EFNA5: variants seen among roughly 807,000 people sequenced by gnomAD.
The protein encoded by EFNA5 is ephrin-A5.
A neutral mutation model predicts 22.9 loss-of-function variants in EFNA5; 5 were observed. The observed-to-expected ratio is 0.22, with a 90% CI of 0.11 to 0.46. The LOEUF (loss-of-function observed/expected upper bound fraction) is 0.46. Ranked by LOEUF, EFNA5 falls within the 20% of genes least tolerant of loss-of-function variation. The pLI, the probability that EFNA5 is intolerant of heterozygous loss-of-function variation, is 0.99. For synonymous variants in EFNA5, 113 were observed against 112.2 expected, an observed-to-expected ratio of 1.01 and a Z score of -0.04; for missense variants, 237 against 293.3, an observed-to-expected ratio of 0.81 and a Z score of 1.40.
chr5:107,545,347 T>C (rs912697627), intron 1 of EFNA5, among the ~76,000 whole-genome samples: 24 of 152,194 alleles, frequency 1.6e-4, no homozygotes, highest in Admixed American at 2.0e-4. Context: ...GAGTATGAAA[T>C]TGGTTTTCTA....
intron 1 of EFNA5, among the ~76,000 whole-genome samples, chr5:107,494,225 T>C (rs1404490268): frequency 6.6e-6 from 1 of 152,108 alleles, no homozygotes; most frequent in East Asian, 1.9e-4. Context: ...GCCCGCTCCC[T>C]CAGCTTGCAG....
At chr5:107,640,108 A>G (rs915128689) in intron 1 of EFNA5, among the ~76,000 whole-genome samples, 1 of 152,208 alleles carries the variant, frequency 6.6e-6, no homozygotes, top group Non-Finnish European at 1.5e-5. Context: ...TAATATATCA[A>G]AGATACTGAG....
chr5:107,549,672 A>G (rs1748242674), intron 1 of EFNA5, among the ~76,000 whole-genome samples: 1 of 152,192 alleles, frequency 6.6e-6, no homozygotes, highest in South Asian at 2.1e-4. Flanking sequence ...AGGCTTCCAC[A>G]GTGGTAAGAG....
Position 107,492,721 on chromosome 5 carries a change from G to A in EFNA5, c.126-65212C>T, listed in dbSNP as rs187080714. On this transcript the variant is annotated intron_variant, in intron 1 of 4. Transcript: ENST00000333274. ...CTCTGAAAGAAAATCATCCTTGGCC[G>A]AGCACGGTGGATCATGCCTGTAATC... 2.0e-5 allele frequency among the ~76,000 whole-genome samples: 3 copies of A among 152,216 alleles called. No homozygotes were observed. The East Asian group carries it at 5.8e-4, about 29-fold the overall frequency.
intron 1 of EFNA5, among the ~76,000 whole-genome samples, chr5:107,627,908 G>A (rs991072003): frequency 3.3e-5 from 5 of 152,036 alleles, no homozygotes; most frequent in Admixed American, 2.0e-4. Context: ...AGAGCTATAC[G>A]ATACTTAGTT....
At position 107,381,121 on chromosome 5, in the gene EFNA5, GA is replaced by G; in HGVS notation, c.*133del. 7.6e-7 allele frequency: 1 copy of G among 1,320,778 alleles called. No individual in the cohort carries two copies. Among genetic ancestry groups the G allele is most frequent in the Non-Finnish European group, 1.0e-6 (1 of 982,790 alleles). 81.8% of individuals were successfully genotyped at this position (1,320,778 alleles called of 1,614,324 possible). A position where few individuals can be genotyped will look rare whatever the true frequency, so the allele number is the denominator to read the frequency against. On this transcript the variant is annotated 3_prime_UTR_variant, in exon 5 of 5. Coordinates refer to ENST00000333274, the MANE Select transcript of EFNA5 (RefSeq NM_001962.3). ...GAAGTTGTTGCTTAGAATTCAGGCT[GA>G]AAGAAAGAAAACAAAAATCTGACAT...
intron 1 of EFNA5, among the ~76,000 whole-genome samples, chr5:107,600,750 AGTGCTGGGATTACAGAT>A (rs974336242): frequency 3.9e-5 from 6 of 152,108 alleles, no homozygotes; most frequent in African/African-American, 1.4e-4. Context: ...AGTCTCCCAA[AGTGCTGGGATTACAGAT>A]GTGAGCCACT....
chr5:107,496,849 T>C (rs1455706243), intron 1 of EFNA5, among the ~76,000 whole-genome samples: 1 of 152,224 alleles, frequency 6.6e-6, no homozygotes, highest in Non-Finnish European at 1.5e-5. Context: ...ATAATCTCCC[T>C]GAATGAGACA....
chr5:107,536,776 C>T (rs187831701), intron 1 of EFNA5, among the ~76,000 whole-genome samples: 4 of 152,232 alleles, frequency 2.6e-5, no homozygotes, highest in East Asian at 1.9e-4. Flanking sequence ...AGGGAACACA[C>T]GGCACCCTCA....
intron 1 of EFNA5, among the ~76,000 whole-genome samples, chr5:107,439,841 T>C (rs1477977593): frequency 6.6e-6 from 1 of 152,204 alleles, no homozygotes; most frequent in African/African-American, 2.4e-5. Flanking sequence ...TACCTTTCCT[T>C]GACCCTGGAA....
intron 2 of EFNA5, among the ~76,000 whole-genome samples, chr5:107,417,095 T>C (rs1197179876): frequency 6.6e-6 from 1 of 152,216 alleles, no homozygotes; most frequent in East Asian, 1.9e-4. Flanking sequence ...ATATACATTC[T>C]TCTTAAAAAT....
chr5:107,485,873 T>G (rs1746605099), intron 1 of EFNA5, among the ~76,000 whole-genome samples: 1 of 152,148 alleles, frequency 6.6e-6, no homozygotes, highest in Admixed American at 6.5e-5. Context: ...TTAAGCTAGA[T>G]CTTTGTGTGC....
intron 1 of EFNA5, among the ~76,000 whole-genome samples, chr5:107,663,580 A>G (rs1751010639): frequency 6.6e-6 from 1 of 152,130 alleles, no homozygotes; most frequent in South Asian, 2.1e-4. Flanking sequence ...GAATATTTAT[A>G]TCTTATATCT....
chr5:107,488,674 T>C (rs1165944178), intron 1 of EFNA5, among the ~76,000 whole-genome samples: 1 of 152,014 alleles, frequency 6.6e-6, no homozygotes, highest in Non-Finnish European at 1.5e-5. Context: ...AAAAGAAACA[T>C]TAAGACCGAA....
At chr5:107,458,493 A>G (rs960878610) in intron 1 of EFNA5, among the ~76,000 whole-genome samples, 4 of 151,986 alleles carry the variant, frequency 2.6e-5, no homozygotes, top group African/African-American at 9.7e-5. Flanking sequence ...GAGGCACTCT[A>G]GATAGGATGG....
At chr5:107,657,751 T>C (rs909254098) in intron 1 of EFNA5, among the ~76,000 whole-genome samples, 1 of 152,138 alleles carries the variant, frequency 6.6e-6, no homozygotes, top group East Asian at 1.9e-4. Context: ...AATCATTCCA[T>C]AGAGGTACAT....
chr5:107,554,318 T>C (rs938337921), intron 1 of EFNA5, among the ~76,000 whole-genome samples: 3 of 152,210 alleles, frequency 2.0e-5, no homozygotes, highest in Admixed American at 6.5e-5. Context: ...ACATCTCATA[T>C]GTATCAGAAA....
At chr5:107,513,581 A>C (rs1747418491) in intron 1 of EFNA5, among the ~76,000 whole-genome samples, 1 of 152,198 alleles carries the variant, frequency 6.6e-6, no homozygotes, top group Non-Finnish European at 1.5e-5. Context: ...ATGGTATTCT[A>C]AAAATAGGAC....
chr5:107,491,401 T>G (rs1193888915), intron 1 of EFNA5, among the ~76,000 whole-genome samples: 2 of 152,128 alleles, frequency 1.3e-5, no homozygotes, highest in African/African-American at 4.8e-5. Flanking sequence ...AACCTCTGCC[T>G]CCCGGGTTCA....
Sources: gnomAD v4.1 joint callset for allele counts (sites outside exome capture counted in the v4.1 genomes callset) on GRCh38, gnomAD v4.1.1 for gene constraint, MANE v1.5 for transcripts, NCBI Gene and HGNC (gene_info 2026-07-23, HGNC 2026-07-21) for gene names.